NRXN3: variants seen among roughly 807,000 people sequenced by gnomAD.
NRXN3 encodes the protein neurexin III.
NRXN3 carries 32 observed loss-of-function variants against 137.6 expected under a neutral mutation model. That is an observed-to-expected ratio of 0.23 (90% confidence interval 0.18 to 0.31). NRXN3 has a LOEUF of 0.31. Among genes scored for constraint, NRXN3 ranks in the 10% least tolerant of loss-of-function variants. The pLI, the probability that NRXN3 is intolerant of heterozygous loss-of-function variation, is 1.00. For missense variants in NRXN3, 1,574 were observed against 2,062.5 expected, an observed-to-expected ratio of 0.76 and a Z score of 4.59; for synonymous variants, 798 against 784.5, an observed-to-expected ratio of 1.02 and a Z score of -0.29.
At chr14:79,024,171 G>T (rs1301142180) in intron 15 of NRXN3, among the ~76,000 whole-genome samples, 1 of 151,944 alleles carries the variant, frequency 6.6e-6, no homozygotes, top group Non-Finnish European at 1.5e-5. Flanking sequence ...AAAATGACTT[G>T]CCATCCATTC....
At chr14:78,461,135 G>T (rs184418841) in intron 4 of NRXN3, among the ~76,000 whole-genome samples, 1 of 152,116 alleles carries the variant, frequency 6.6e-6, no homozygotes, top group East Asian at 1.9e-4. Flanking sequence ...TCTAATACAG[G>T]TCACCGTTTT....
At chr14:79,620,010 T>C (rs1323679655) in intron 16 of NRXN3, among the ~76,000 whole-genome samples, 1 of 152,080 alleles carries the variant, frequency 6.6e-6, no homozygotes, top group Non-Finnish European at 1.5e-5. Flanking sequence ...TTGTCTTAAA[T>C]ATTCATGGGA....
intron 6 of NRXN3, among the ~76,000 whole-genome samples, chr14:78,690,114 T>G (rs1485356248): frequency 1.3e-5 from 2 of 152,196 alleles, no homozygotes; most frequent in Non-Finnish European, 2.9e-5. Flanking sequence ...AGTTCTAATA[T>G]TCATCATTAT....
At chr14:79,200,698 C>G (rs2065851883) in intron 15 of NRXN3, among the ~76,000 whole-genome samples, 1 of 152,134 alleles carries the variant, frequency 6.6e-6, no homozygotes, top group African/African-American at 2.4e-5. Context: ...GTACACACAA[C>G]TAATACTCTT....
At chr14:78,371,313 C>T (rs919483041) in intron 4 of NRXN3, among the ~76,000 whole-genome samples, 10 of 152,178 alleles carry the variant, frequency 6.6e-5, no homozygotes, top group Non-Finnish European at 1.0e-4. Flanking sequence ...GGCACAACTT[C>T]GGAGAGGAGC....
At chr14:78,881,226 T>C (rs2099128364) in intron 10 of NRXN3, among the ~76,000 whole-genome samples, 2 of 151,656 alleles carry the variant, frequency 1.3e-5, no homozygotes, top group Non-Finnish European at 2.9e-5. Flanking sequence ...CATGTCAGGC[T>C]GAGAATGGAC....
At chr14:78,441,519 A>G (rs1045828483) in intron 4 of NRXN3, among the ~76,000 whole-genome samples, 1 of 151,882 alleles carries the variant, frequency 6.6e-6, no homozygotes, top group African/African-American at 2.4e-5. Flanking sequence ...CTCCCTTCTT[A>G]GAGTCAGAGC....
intron 10 of NRXN3, among the ~76,000 whole-genome samples, chr14:78,919,051 A>G (rs914558499): frequency 6.6e-6 from 1 of 152,198 alleles, no homozygotes; most frequent in Non-Finnish European, 1.5e-5. Context: ...AACTAGTATT[A>G]AAATTTTTTA....
At chr14:78,620,743 T>A (rs187347896) in intron 4 of NRXN3, among the ~76,000 whole-genome samples, 3 of 152,358 alleles carry the variant, frequency 2.0e-5, no homozygotes, top group Admixed American at 2.0e-4. Flanking sequence ...TTTCCATGTA[T>A]AATTTCATTT....
intron 15 of NRXN3, among the ~76,000 whole-genome samples, chr14:78,993,522 A>G (rs1157073941): frequency 1.3e-5 from 2 of 152,210 alleles, no homozygotes; most frequent in African/African-American, 4.8e-5. Context: ...CTACCTGCCC[A>G]GCGAATAGGC....
intron 4 of NRXN3, among the ~76,000 whole-genome samples, chr14:78,530,711 A>G (rs2096449400): frequency 1.3e-5 from 2 of 152,216 alleles, no homozygotes; most frequent in African/African-American, 4.8e-5. Context: ...AAAAGCAGGT[A>G]AACTCTGCCA....
chr14:79,150,113 C>T (rs1351065945), intron 15 of NRXN3, among the ~76,000 whole-genome samples: 1 of 151,984 alleles, frequency 6.6e-6, no homozygotes, highest in African/African-American at 2.4e-5. Flanking sequence ...AAGTCTTGCC[C>T]TTGCATGTGG....
intron 14 of NRXN3, among the ~76,000 whole-genome samples, chr14:78,973,867 C>A (rs2099453794): frequency 6.6e-6 from 1 of 152,086 alleles, no homozygotes; most frequent in Non-Finnish European, 1.5e-5. Context: ...AGGTAACGTT[C>A]AAAAAATTAC....
At chr14:79,739,811 C>T (rs371712995) in intron 19 of NRXN3, among the ~76,000 whole-genome samples, 4 of 152,078 alleles carry the variant, frequency 2.6e-5, no homozygotes, top group Non-Finnish European at 4.4e-5. Flanking sequence ...ATGTATCTTA[C>T]GTTATTTACC....
chr14:79,786,717 C>A (rs969073404), intron 19 of NRXN3, among the ~76,000 whole-genome samples: 2 of 152,200 alleles, frequency 1.3e-5, no homozygotes, highest in African/African-American at 2.4e-5. Flanking sequence ...ACTCTGTTAA[C>A]TGCCCAATGT....
chr14:78,568,961 G>GTTTTTT (rs34485878), intron 4 of NRXN3, among the ~76,000 whole-genome samples: 1,885 of 103,668 alleles, frequency 0.018, 62 homozygotes, highest in African/African-American at 0.032. Context: ...GACTTTGCAG[G>GTTTTTT]TTTTTTTTTT....
intron 19 of NRXN3, among the ~76,000 whole-genome samples, chr14:79,739,602 C>T (rs2098953596): frequency 7.2e-6 from 1 of 139,146 alleles, no homozygotes; most frequent in Non-Finnish European, 1.5e-5. Flanking sequence ...TGAGATCATG[C>T]CACTGCACTG....
chr14:78,940,259 T>C (rs2099350490), intron 10 of NRXN3, among the ~76,000 whole-genome samples: 1 of 152,202 alleles, frequency 6.6e-6, no homozygotes, highest in Non-Finnish European at 1.5e-5. Context: ...TGCACATTCA[T>C]TAAAAAGCAT....
intron 4 of NRXN3, among the ~76,000 whole-genome samples, chr14:78,401,954 ATGT>A (rs1394651542): frequency 1.3e-5 from 2 of 152,342 alleles, no homozygotes; most frequent in Non-Finnish European, 2.9e-5. Flanking sequence ...CTGAATTCCA[ATGT>A]TGTACAGCTT....
Sources: allele counts gnomAD v4.1 joint callset (sites outside exome capture counted in the v4.1 genomes callset), GRCh38; gene constraint gnomAD v4.1.1; transcripts MANE v1.5; gene names NCBI Gene and HGNC (gene_info 2026-07-23, HGNC 2026-07-21).